Variants in GJC1 observed in about 807,000 individuals in gnomAD.
GJC1 encodes the protein gap junction gamma-1 protein.
A neutral mutation model predicts 29.3 loss-of-function variants in GJC1; 5 were observed. That is an observed-to-expected ratio of 0.17 (90% CI 0.09 to 0.36). The LOEUF (loss-of-function observed/expected upper bound fraction) is 0.36. Ranked by LOEUF, GJC1 falls within the 10% of genes least tolerant of loss-of-function variation. The pLI, the probability that GJC1 is intolerant of heterozygous loss-of-function variation, is 1.00. For synonymous variants in GJC1, 177 were observed against 183.3 expected, an observed-to-expected ratio of 0.97 and a Z score of 0.28; for missense variants, 310 against 496.2, an observed-to-expected ratio of 0.62 and a Z score of 3.56.
At chr17:44,806,475 C>T (rs1410947347) in intron 2 of GJC1, among the ~76,000 whole-genome samples, 2 of 149,452 alleles carry the variant, frequency 1.3e-5, no homozygotes, top group African/African-American at 4.9e-5. Context: ...TCTTGGCTCA[C>T]TGCAACCTCC....
Position 44,812,646 on chromosome 17 carries a change from A to G in GJC1, c.-96-5177T>C, listed in dbSNP as rs529395537. Among the ~76,000 whole-genome samples the G allele has an allele frequency of 2.0e-5, 3 of 152,074 alleles. No homozygotes were observed. The South Asian group carries it at 6.2e-4, about 32-fold the overall frequency. ...TTTACTAAGGGATCTAGTAGTAAAA[A>G]TGAACTTTTTTTTTTTTAATTGAGA... On this transcript the variant is annotated intron_variant, in intron 1 of 2. Transcript: ENST00000592524.
rs753916826 is a variant in GJC1, at chr17:44,801,942, G to A, written c.*2685C>T. On this transcript the variant is annotated 3_prime_UTR_variant, in exon 3 of 3. Coordinates refer to ENST00000592524, the MANE Select transcript of GJC1 (RefSeq NM_005497.4). ...GTAAGTCCACAATATGTCATTAGGG[G>A]AGAATGACTTTGGCAAACTCATATG... 3.3e-5 allele frequency: 5 copies of A among 152,152 alleles called. No individual in the cohort carries two copies. Among genetic ancestry groups the A allele is most frequent in the African/African-American group, 7.2e-5 (3 of 41,430 alleles). The allele number at this position is 152,152 out of a possible 1,614,324, so 9.4% of individuals were successfully genotyped here.
chr17:44,816,112 CA>C (rs34938283), intron 1 of GJC1, among the ~76,000 whole-genome samples: 8,992 of 47,046 alleles, frequency 0.19, 94 homozygotes, highest in South Asian at 0.28. Context: ...CACTCCGTCT[CA>C]AAAAAAAAAA....
intron 1 of GJC1, among the ~76,000 whole-genome samples, chr17:44,816,010 G>T (rs990050899): frequency 5.3e-5 from 8 of 150,912 alleles, no homozygotes; most frequent in African/African-American, 2.0e-4. Flanking sequence ...CTACTCGGGA[G>T]GCTGAGGCAG....
chr17:44,794,211 C>G (rs145173963), downstream of GJC1: 1 of 152,240 alleles, frequency 6.6e-6, no homozygotes, highest in Admixed American at 6.5e-5. Flanking sequence ...TAGGCCAAAG[C>G]CCCCTCCCCA....
chr17:44,804,646 T>C lies in GJC1; in HGVS notation c.1172A>G (p.Lys391Arg). 6.2e-7 allele frequency: 1 copy of C among 1,613,232 alleles called. No homozygotes were observed. ...STASSKSGDG[K>R]TSVWI ...CCAGGATTAAATCCAGACGGAGGTC[T>C]TCCCATCCCCTGATTTGCTACTGGC... Residue 391 changes from lysine to arginine, a missense_variant, in exon 3 of 3, where the codon AAG becomes AGG. By Grantham distance (26) the Lys-to-Arg change is conservative (BLOSUM62 2). Around this residue, in one of 4 missense-constraint regions of GJC1, gnomAD observed 146 missense variants for 165.0 expected, o/e 0.88. Coordinates refer to ENST00000592524, the MANE Select transcript of GJC1 (RefSeq NM_005497.4).
chr17:44,821,712 A>C (rs2050108925), intron 1 of GJC1, among the ~76,000 whole-genome samples: 2 of 148,650 alleles, frequency 1.3e-5, no homozygotes, highest in African/African-American at 2.5e-5. Context: ...AAAAAAAAAA[A>C]AAAAAAAAAA....
chr17:44,819,203 C>G (rs906108957), intron 1 of GJC1, among the ~76,000 whole-genome samples: 1 of 152,128 alleles, frequency 6.6e-6, no homozygotes, highest in Admixed American at 6.6e-5. Flanking sequence ...TCCCCATTTC[C>G]CCTTCTCCCA....
Position 44,804,994 on chromosome 17 carries a change from T to A in GJC1, c.824A>T (p.Tyr275Phe). The change falls in exon 3 of 3, where the codon TAT (tyrosine) becomes TTT (phenylalanine). Residue 275 changes from tyrosine (Y) to phenylalanine (F), a missense_variant. Physicochemically the swap from Tyr to Phe is conservative, Grantham distance 22. Around this residue, in one of 4 missense-constraint regions of GJC1, gnomAD observed 146 missense variants for 165.0 expected, o/e 0.88. Coordinates refer to ENST00000592524, the MANE Select transcript of GJC1 (RefSeq NM_005497.4). ...TGTATTCCAAGTGAAAGGATAATTA[T>A]AAGCACCCGGATCCTCAAGTTCCCT... is the stretch of plus-strand genomic sequence containing the variant. ...KRRELEDPGA[Y>F]NYPFTWNTPS... 3 of 1,614,058 alleles carry A rather than the reference T, an allele frequency of 1.9e-6. No individual in the cohort carries two copies. Among genetic ancestry groups the A allele is most frequent in the Non-Finnish European group, 2.5e-6 (3 of 1,179,996 alleles).
intron 1 of GJC1, among the ~76,000 whole-genome samples, chr17:44,825,559 G>A (rs2050164166): frequency 6.6e-6 from 1 of 152,094 alleles, no homozygotes; most frequent in Non-Finnish European, 1.5e-5. Context: ...GAGGCAACCT[G>A]AGGTCAGGAG....
chr17:44,818,342 G>A (rs949598282), intron 1 of GJC1, among the ~76,000 whole-genome samples: 27 of 152,136 alleles, frequency 1.8e-4, no homozygotes, highest in African/African-American at 6.0e-4. Flanking sequence ...AAGCTTTCTT[G>A]GTAGCTGGGG....
At chr17:44,816,526 G>C (rs1034777165) in intron 1 of GJC1, among the ~76,000 whole-genome samples, 2 of 152,102 alleles carry the variant, frequency 1.3e-5, no homozygotes, top group Non-Finnish European at 2.9e-5. Flanking sequence ...TTCTGAGACA[G>C]AGTGTCGCTC....
chr17:44,796,216 G>GC (rs879606731), downstream of GJC1, among the ~76,000 whole-genome samples: 14 of 152,216 alleles, frequency 9.2e-5, no homozygotes, highest in Admixed American at 7.9e-4. Context: ...CAGGAACCAT[G>GC]CCATCCTCTA....
rs772473136 is a variant in GJC1 at position 44,800,742 on chromosome 17, G to A, written c.*3885C>T. The A allele has an allele frequency of 1.3e-4, 20 of 151,660 alleles. No homozygotes were observed. Among genetic ancestry groups the A allele is most frequent in the Admixed American group, 8.6e-4 (13 of 15,202 alleles). The allele number at this position is 151,660 out of a possible 1,614,324, so 9.4% of individuals were successfully genotyped here. ...TCACAGTCCAACTTTTTTTTTAAGC[G>A]CCAAGTTCAAACAAGTGACCAATAA... On this transcript the variant is annotated 3_prime_UTR_variant, in exon 3 of 3. Transcript: ENST00000592524.
In GJC1 at chr17:44,799,174, C is replaced by T. The variant is rs2049811452; in HGVS notation, c.*5453G>A. On this transcript the variant is annotated 3_prime_UTR_variant, in exon 3 of 3. Transcript: ENST00000592524. ...CCACCACACCCAGCCAGAACTATTA[C>T]TTCTTTTATCTCTGTAGAAACTGCA... The T allele has an allele frequency of 6.6e-6, 1 of 151,494 alleles. No individual in the cohort carries two copies. Among genetic ancestry groups the T allele is most frequent in the African/African-American group, 2.4e-5 (1 of 41,180 alleles). 9.4% of individuals were successfully genotyped at this position (151,494 alleles called of 1,614,324 possible). A position where few individuals can be genotyped will look rare whatever the true frequency, so the allele number is the denominator to read the frequency against.
intron 1 of GJC1, among the ~76,000 whole-genome samples, chr17:44,818,879 G>A (rs2050072830): frequency 1.3e-5 from 2 of 151,982 alleles, no homozygotes; most frequent in Non-Finnish European, 2.9e-5. Flanking sequence ...AGGCTGAGAT[G>A]GGCAGAACAC....
intron 1 of GJC1, among the ~76,000 whole-genome samples, chr17:44,818,071 G>C (rs1007574812): frequency 6.6e-6 from 1 of 152,100 alleles, no homozygotes; most frequent in African/African-American, 2.4e-5. Context: ...AAATTAGCCA[G>C]GCGTGGTGGT....
At chr17:44,810,347 T>C (rs1406282550) in intron 1 of GJC1, among the ~76,000 whole-genome samples, 1 of 152,172 alleles carries the variant, frequency 6.6e-6, no homozygotes, top group Non-Finnish European at 1.5e-5. Flanking sequence ...TCTCAACAGT[T>C]GAGCTTTTCA....
At chr17:44,826,046 G>A (rs1044006864) in intron 1 of GJC1, among the ~76,000 whole-genome samples, 7 of 151,938 alleles carry the variant, frequency 4.6e-5, no homozygotes, top group African/African-American at 1.4e-4. Context: ...TCAGCCTCCC[G>A]AGTAGCTGGG....
Sources: gnomAD v4.1 joint callset for allele counts (sites outside exome capture counted in the v4.1 genomes callset) on GRCh38, gnomAD v4.1.1 for gene constraint, gnomAD v4.1.1 regional missense constraint, MANE v1.5 for transcripts, NCBI Gene and HGNC (gene_info 2026-07-23, HGNC 2026-07-21) for gene names.